VGLL4: variants seen among roughly 807,000 people sequenced by gnomAD.
VGLL4 encodes the protein vestigial like family member 4.
Under a neutral mutation model 21.0 loss-of-function variants are expected in VGLL4, and 7 were observed. The ratio of observed to expected loss-of-function variants is 0.33; its 90% CI spans 0.19 to 0.63. The LOEUF (loss-of-function observed/expected upper bound fraction) is 0.63, where lower values mean the gene tolerates loss of function less well. VGLL4 is among the 20% of genes least tolerant of loss of function. VGLL4 has a pLI of 0.78. For synonymous variants in VGLL4, 222 were observed against 173.2 expected (o/e 1.28, Z -2.21); for missense variants, 394 against 425.7 (o/e 0.93, Z 0.66).
At chr3:11,598,064 T>G (rs1202028562) in intron 2 of VGLL4, among the ~76,000 whole-genome samples, 1 of 152,066 alleles carries the variant, frequency 6.6e-6, no homozygotes, top group Non-Finnish European at 1.5e-5. Context: ...CTCGCTCTGT[T>G]GCCCAGGCTA....
intron 2 of VGLL4, among the ~76,000 whole-genome samples, chr3:11,574,587 A>T (rs572146938): frequency 1.3e-5 from 2 of 152,304 alleles, no homozygotes; most frequent in African/African-American, 4.8e-5. Context: ...CACCTAGACC[A>T]CTGTAGGGTG....
chr3:11,566,207 C>T (rs1257173614), intron 2 of VGLL4, among the ~76,000 whole-genome samples: 1 of 152,072 alleles, frequency 6.6e-6, no homozygotes, highest in Non-Finnish European at 1.5e-5. Flanking sequence ...TACACACACA[C>T]TGAATGTTAC....
chr3:11,570,834 C>T (rs770583618), intron 2 of VGLL4, among the ~76,000 whole-genome samples: 1 of 152,206 alleles, frequency 6.6e-6, no homozygotes, highest in African/African-American at 2.4e-5. Context: ...ATCCAAAGCA[C>T]CCCACAACAC....
At chr3:11,588,427 G>C (rs1481398809) in intron 2 of VGLL4, among the ~76,000 whole-genome samples, 8 of 152,240 alleles carry the variant, frequency 5.3e-5, no homozygotes, top group Admixed American at 1.3e-4. Flanking sequence ...CAGGCCCCCA[G>C]TTGGGCTGCA....
At chr3:11,628,693 G>A (rs928048761) in intron 1 of VGLL4, among the ~76,000 whole-genome samples, 27 of 152,100 alleles carry the variant, frequency 1.8e-4, no homozygotes, top group East Asian at 3.9e-4. Context: ...GGTGGCGGGC[G>A]CCTGTAATCC....
At chr3:11,677,028 A>G (rs2076301005) in intron 2 of VGLL4, among the ~76,000 whole-genome samples, 1 of 152,352 alleles carries the variant, frequency 6.6e-6, no homozygotes, top group African/African-American at 2.4e-5. Context: ...TTACTGTGCA[A>G]CACATGCATT....
intron 3 of VGLL4, among the ~76,000 whole-genome samples, chr3:11,561,248 G>A (rs994261502): frequency 6.6e-6 from 1 of 152,188 alleles, no homozygotes; most frequent in Non-Finnish European, 1.5e-5. Context: ...GCACAGGGAG[G>A]GGGAATCAAG....
At chr3:11,569,522 G>A (rs2073690915) in intron 2 of VGLL4, among the ~76,000 whole-genome samples, 1 of 152,184 alleles carries the variant, frequency 6.6e-6, no homozygotes, top group African/African-American at 2.4e-5. Flanking sequence ...GCTATGCAGA[G>A]ACATCCCCCA....
intron 4 of VGLL4, 79 bp from the exon 5 acceptor site, chr3:11,558,906 G>A: frequency 2.0e-6 from 3 of 1,529,778 alleles, no homozygotes; most frequent in Non-Finnish European, 2.7e-6. Flanking sequence ...CCCTCCCTCA[G>A]GCAGCCCAGA....
intron 2 of VGLL4, among the ~76,000 whole-genome samples, chr3:11,696,906 C>T (rs573225629): frequency 5.3e-5 from 8 of 152,160 alleles, no homozygotes; most frequent in African/African-American, 1.9e-4. Flanking sequence ...CCATGCCCAC[C>T]TAATTTTTAA....
Position 11,671,588 on chromosome 3 carries a change from T to C in VGLL4, c.64+31383A>G, listed in dbSNP as rs116736089. Among the ~76,000 whole-genome samples, 871 of 152,326 alleles carry C rather than the reference T, an allele frequency of 5.7e-3. 5 individuals carry two copies. The highest frequency in any genetic ancestry group is 0.02 in the African/African-American group (826 of 41,580). On this transcript the variant is annotated intron_variant, in intron 2 of 5. Transcript: ENST00000273038. ...ACAAATACTCTATTCTTGATCTGCT[T>C]TGAAAAACATTCCCATATGGGGTGG...
At chr3:11,636,515 G>A (rs2075589529) in intron 1 of VGLL4, among the ~76,000 whole-genome samples, 1 of 152,152 alleles carries the variant, frequency 6.6e-6, no homozygotes, top group Non-Finnish European at 1.5e-5. Flanking sequence ...TTTGGATACT[G>A]GAGCAATTTA....
chr3:11,624,362 T>C lies in VGLL4; in HGVS notation c.82+19075A>G, dbSNP rs187599537. Among the ~76,000 whole-genome samples, 458 of 152,250 alleles carry C rather than the reference T, an allele frequency of 3.0e-3. 3 individuals are homozygous for C. Among genetic ancestry groups the C allele is most frequent in the African/African-American group, 0.01 (416 of 41,534 alleles). ...GTGGCACATGGGAGAACTGATGATG[T>C]ATCTCAGTACTCACATCCACTCAGG... On this transcript the variant is annotated intron_variant, in intron 1 of 4. Coordinates refer to ENST00000430365, the MANE Select transcript of VGLL4 (RefSeq NM_001128219.3).
rs866666547 is a variant in VGLL4 at position 11,565,050 on chromosome 3, G to A, written c.273-31C>T. 6.8e-6 allele frequency: 10 copies of A among 1,462,810 alleles called. No individual in the cohort carries two copies. Among genetic ancestry groups the A allele is most frequent in the South Asian group, 3.0e-5 (2 of 67,040 alleles). The allele number at this position is 1,462,810 out of a possible 1,614,324, so 90.6% of individuals were successfully genotyped here. On this transcript the variant is annotated intron_variant, in intron 2 of 4. Transcript: ENST00000430365. The surrounding 1 kb of genome is among the most constrained non-coding windows in gnomAD (Gnocchi z 4.1). ...AAAGAGGAATGGGCATTCAGGGGGCGTTTTCTCAAAGGCAAAGGGGACAGT... is the reference window on the plus strand; with the variant it reads ...AAAGAGGAATGGGCATTCAGGGGGCATTTTCTCAAAGGCAAAGGGGACAGT...
At chr3:11,716,612 A>G (rs1372418372) in intron 1 of VGLL4, among the ~76,000 whole-genome samples, 2 of 152,256 alleles carry the variant, frequency 1.3e-5, no homozygotes, top group African/African-American at 4.8e-5. Context: ...GACCTGAGGC[A>G]TGAGACACAG....
chr3:11,614,470 G>A (rs961838978), intron 1 of VGLL4, among the ~76,000 whole-genome samples: 4 of 152,248 alleles, frequency 2.6e-5, no homozygotes, highest in Non-Finnish European at 4.4e-5. Flanking sequence ...GGCATACAGA[G>A]TGCTGAAGGA....
At chr3:11,628,249 A>G (rs1412819906) in intron 1 of VGLL4, among the ~76,000 whole-genome samples, 32 of 152,050 alleles carry the variant, frequency 2.1e-4, no homozygotes, top group Admixed American at 2.0e-3. Flanking sequence ...TTAGCCAAGC[A>G]TGGTGGTGCA....
At chr3:11,644,538 C>A (rs2075757238), upstream of VGLL4, among the ~76,000 whole-genome samples, 1 of 151,926 alleles carries the variant, frequency 6.6e-6, no homozygotes, top group Non-Finnish European at 1.5e-5. Context: ...AGTGTTTTTT[C>A]CCACCTAATG....
chr3:11,616,221 T>C (rs765738243), intron 1 of VGLL4, among the ~76,000 whole-genome samples: 3 of 144,044 alleles, frequency 2.1e-5, no homozygotes, highest in Non-Finnish European at 4.6e-5. Context: ...CCCTCCCACC[T>C]GCCTGGAACA....
Sources: gnomAD v4.1 joint callset for allele counts (sites outside exome capture counted in the v4.1 genomes callset) on GRCh38, gnomAD v4.1.1 for gene constraint, Gnocchi (gnomAD v3.1) non-coding constraint, MANE v1.5 for transcripts, NCBI Gene and HGNC (gene_info 2026-07-23, HGNC 2026-07-21) for gene names.